The following ABCA13 variants were observed in gnomAD, a reference collection of about 807,000 sequenced individuals.
ABCA13 encodes the protein ATP binding cassette subfamily A member 13.
A neutral mutation model predicts 478.7 loss-of-function variants in ABCA13; 476 were observed. The observed-to-expected ratio is 0.99, with a 90% confidence interval of 0.92 to 1.07. ABCA13 has a LOEUF of 1.07. Ranked by LOEUF, ABCA13 falls within the 50% of genes least tolerant of loss-of-function variation. The pLI is 0.00. For missense variants in ABCA13, 6,060 were observed against 5,910.6 expected, an observed-to-expected ratio of 1.03 and a Z score of -0.83; for synonymous variants, 2,252 against 2,158.9, an observed-to-expected ratio of 1.04 and a Z score of -1.20.
intron 21 of ABCA13, among the ~76,000 whole-genome samples, chr7:48,296,621 G>A (rs1000544981): frequency 4.6e-5 from 7 of 151,786 alleles, no homozygotes; most frequent in East Asian, 1.9e-4. Context: ...CACCATGCCC[G>A]GCTAATTTTG....
chr7:48,282,803 G>A (rs923574934), intron 19 of ABCA13, among the ~76,000 whole-genome samples: 5 of 152,116 alleles, frequency 3.3e-5, no homozygotes, highest in East Asian at 1.9e-4. Context: ...TCTTACCACC[G>A]TGTGCTATTC....
At chr7:48,369,052 A>C (rs1464763878) in intron 32 of ABCA13, among the ~76,000 whole-genome samples, 2 of 152,056 alleles carry the variant, frequency 1.3e-5, no homozygotes, top group Non-Finnish European at 2.9e-5. Flanking sequence ...CACCGCATCC[A>C]TGCCAACATC....
intron 59 of ABCA13, among the ~76,000 whole-genome samples, chr7:48,641,217 C>T (rs1795080480): frequency 6.6e-6 from 1 of 152,154 alleles, no homozygotes; most frequent in Non-Finnish European, 1.5e-5. Flanking sequence ...TCCTAATATG[C>T]ATAAGAACAT....
chr7:48,549,240 G>A (rs1244954525), intron 55 of ABCA13, among the ~76,000 whole-genome samples: 2 of 151,614 alleles, frequency 1.3e-5, no homozygotes, highest in Admixed American at 6.6e-5. Context: ...ACAGGCCCAG[G>A]TGTGTGTTGT....
chr7:48,448,077 C>G (rs1182981259), intron 42 of ABCA13, among the ~76,000 whole-genome samples: 3 of 152,176 alleles, frequency 2.0e-5, no homozygotes, highest in African/African-American at 7.2e-5. Flanking sequence ...AGCCAGACTT[C>G]CAATGGGCAG....
At chr7:48,631,679 G>A (rs1308962894) in intron 59 of ABCA13, among the ~76,000 whole-genome samples, 1 of 151,462 alleles carries the variant, frequency 6.6e-6, no homozygotes, top group Non-Finnish European at 1.5e-5. Context: ...ATGAGTTTTA[G>A]AATAGTTTTT....
At chr7:48,630,628 T>C (rs191794329) in intron 59 of ABCA13, among the ~76,000 whole-genome samples, 2 of 152,328 alleles carry the variant, frequency 1.3e-5, no homozygotes, top group African/African-American at 2.4e-5. Flanking sequence ...TACATGCATG[T>C]GTCTTTATGG....
In ABCA13 at chr7:48,350,823, A is replaced by G. The variant is rs1262017174; in HGVS notation, c.10381+4A>G. ...CAGCAGAACAGCTTCTTGGCCAGTA[A>G]GTACTCAATGAAAAAATATGTTCGC... On this transcript the variant is annotated splice_donor_region_variant and intron_variant, in intron 30 of 61. Transcript: ENST00000435803. 9 of 1,611,228 alleles carry G rather than the reference A, an allele frequency of 5.6e-6. No individual in the cohort carries two copies. In the East Asian group the frequency reaches 2.0e-4, roughly 36 times the overall value.
At chr7:48,500,792 G>A (rs1370433416) in intron 48 of ABCA13, among the ~76,000 whole-genome samples, 3 of 152,234 alleles carry the variant, frequency 2.0e-5, no homozygotes, top group African/African-American at 7.2e-5. Flanking sequence ...CTGTGCTGGG[G>A]TATCCTGTGC....
At chr7:48,508,569 C>T (rs1474077607) in intron 50 of ABCA13, among the ~76,000 whole-genome samples, 1 of 152,088 alleles carries the variant, frequency 6.6e-6, no homozygotes, top group Non-Finnish European at 1.5e-5. Context: ...GTTCCCTATT[C>T]TTCAGGACAT....
rs1475298500 is a variant in ABCA13, at chr7:48,272,640, T to A, written c.2974T>A (p.Ser992Thr). The A allele has an allele frequency of 6.2e-7, 1 of 1,613,168 alleles. No individual in the cohort carries two copies. The highest frequency in any genetic ancestry group is 8.5e-7 in the Non-Finnish European group (1 of 1,179,468). ...TTCGTTGACTTTCCTTACACAAATC[T>A]CAAAACACATTTTGGATATCATAAA... ...GSSLTFLTQI[S>T]KHILDIIKQF... Residue 992 changes from serine to threonine, a missense_variant, in exon 17 of 62, where the codon TCA (serine) becomes ACA (threonine). By Grantham distance (58) the Ser-to-Thr change is moderately conservative. Coordinates refer to ENST00000435803, the MANE Select transcript of ABCA13 (RefSeq NM_152701.5).
At chr7:48,227,056 T>A (rs563297078) in intron 5 of ABCA13, among the ~76,000 whole-genome samples, 87 of 151,036 alleles carry the variant, frequency 5.8e-4, no homozygotes, top group Middle Eastern at 3.4e-3. Flanking sequence ...TTTAAGCCAT[T>A]AAAAAAAAAT....
intron 2 of ABCA13, among the ~76,000 whole-genome samples, chr7:48,193,828 GTGA>G (rs764056668): frequency 4.6e-5 from 7 of 151,826 alleles, no homozygotes; most frequent in African/African-American, 1.2e-4. Context: ...AGTGATGATG[GTGA>G]TGATGATGAA....
chr7:48,351,901 C>T (rs781122053), intron 30 of ABCA13, among the ~76,000 whole-genome samples: 1 of 152,188 alleles, frequency 6.6e-6, no homozygotes, highest in African/African-American at 2.4e-5. Flanking sequence ...AAACATCTGA[C>T]AAATAATTTC....
intron 1 of ABCA13, among the ~76,000 whole-genome samples, chr7:48,183,119 G>A (rs563937768): frequency 2.0e-5 from 3 of 152,146 alleles, no homozygotes; most frequent in Admixed American, 6.5e-5. Flanking sequence ...TAAACTTATG[G>A]TGTTTTCCTC....
intron 48 of ABCA13, among the ~76,000 whole-genome samples, chr7:48,494,882 T>C (rs1830143013): frequency 1.3e-5 from 2 of 152,274 alleles, no homozygotes; most frequent in African/African-American, 2.4e-5. Context: ...CTTAGAATTA[T>C]TGACTTAAAG....
chr7:48,201,161 C>G (rs528300508), intron 3 of ABCA13, among the ~76,000 whole-genome samples: 1 of 152,298 alleles, frequency 6.6e-6, no homozygotes, highest in East Asian at 1.9e-4. Flanking sequence ...AAGGAGAACT[C>G]CTGAGTCATT....
intron 35 of ABCA13, among the ~76,000 whole-genome samples, chr7:48,382,427 C>T (rs1215552368): frequency 1.3e-5 from 2 of 152,168 alleles, no homozygotes; most frequent in African/African-American, 2.4e-5. Flanking sequence ...TCTCTATTCC[C>T]GTTGTGCTGA....
At chr7:48,596,784 C>T (rs1585924061) in intron 58 of ABCA13, among the ~76,000 whole-genome samples, 1 of 151,674 alleles carries the variant, frequency 6.6e-6, no homozygotes, top group Non-Finnish European at 1.5e-5. Flanking sequence ...GGCGTCAGAG[C>T]AAGACTCCGT....
Sources: gnomAD v4.1 joint callset for allele counts (sites outside exome capture counted in the v4.1 genomes callset) on GRCh38, gnomAD v4.1.1 for gene constraint, MANE v1.5 for transcripts, NCBI Gene and HGNC (gene_info 2026-07-23, HGNC 2026-07-21) for gene names.